Variants in TRIM71 observed in about 807,000 individuals in gnomAD.
TRIM71 encodes E3 ubiquitin-protein ligase TRIM71.
TRIM71 carries 9 observed loss-of-function variants against 61.2 expected under a neutral mutation model. That is an observed-to-expected ratio of 0.15 (90% CI 0.09 to 0.26). TRIM71 has a LOEUF of 0.26. Ranked by LOEUF, TRIM71 falls within the 10% of genes least tolerant of loss-of-function variation. The probability of loss-of-function intolerance (pLI) is 1.00; values close to 1 mark genes in which losing one functional copy is unlikely to be tolerated. For missense variants in TRIM71, 998 were observed against 1,238.7 expected (o/e 0.81, Z 2.92); for synonymous variants, 645 against 553.2 (o/e 1.17, Z -2.33).
intron 1 of TRIM71, among the ~76,000 whole-genome samples, chr3:32,862,503 C>G (rs532420209): frequency 1.3e-5 from 2 of 152,154 alleles, no homozygotes; most frequent in South Asian, 4.1e-4. Context: ...GTTTAAGAGG[C>G]GAGGACTGAG....
At chr3:32,846,708 CTTCTACTCTAG>C (rs894177433) in intron 1 of TRIM71, among the ~76,000 whole-genome samples, 5 of 141,296 alleles carry the variant, frequency 3.5e-5, no homozygotes, top group African/African-American at 1.3e-4. Context: ...CTACTCTCTA[CTTCTACTCTAG>C]TTCTCTTCTC....
chr3:32,846,557 G>C (rs1254231981), intron 1 of TRIM71, among the ~76,000 whole-genome samples: 1 of 152,132 alleles, frequency 6.6e-6, no homozygotes, highest in Non-Finnish European at 1.5e-5. Flanking sequence ...ATTAACAACT[G>C]TGGTCACCAT....
At chr3:32,838,797 C>G (rs1008537235) in intron 1 of TRIM71, among the ~76,000 whole-genome samples, 1 of 151,770 alleles carries the variant, frequency 6.6e-6, no homozygotes, top group East Asian at 1.9e-4. Flanking sequence ...GGATTTTGAG[C>G]TCCTTTTTTT....
intron 1 of TRIM71, among the ~76,000 whole-genome samples, chr3:32,854,826 T>C (rs1575349919): frequency 6.6e-6 from 1 of 152,210 alleles, no homozygotes; most frequent in East Asian, 1.9e-4. Flanking sequence ...TGAGCATCCA[T>C]GTGCCAGACA....
Position 32,828,847 on chromosome 3 carries a change from T to C in TRIM71, c.852+9915T>C, listed in dbSNP as rs557798132. The stretch of plus-strand genomic sequence containing the variant: ...GTTTGAAAACCACTAATTTTTCTTA[T>C]AATTTTTTTGTAGAGACAGGGTTCT... On this transcript the variant is annotated intron_variant, in intron 1 of 3. Coordinates refer to ENST00000383763, the MANE Select transcript of TRIM71 (RefSeq NM_001039111.3). Among the ~76,000 whole-genome samples, 75 of 152,178 alleles carry C rather than the reference T, an allele frequency of 4.9e-4. 3 individuals carry two copies. In the South Asian group the frequency reaches 0.015, roughly 30 times the overall value.
chr3:32,872,131 C>CT (rs1360613119), intron 1 of TRIM71, among the ~76,000 whole-genome samples: 3 of 152,096 alleles, frequency 2.0e-5, no homozygotes, highest in Non-Finnish European at 4.4e-5. Flanking sequence ...GCCTGGGTGA[C>CT]AAGAGCAAGA....
intron 1 of TRIM71, among the ~76,000 whole-genome samples, chr3:32,824,282 A>T (rs1696175420): frequency 6.7e-6 from 1 of 149,376 alleles, no homozygotes; most frequent in South Asian, 2.1e-4. Context: ...GGTTCAAGTG[A>T]TTCTCCTGCC....
rs1696446299 is a variant in TRIM71, at chr3:32,844,329, A to G, written c.852+25397A>G. Among the ~76,000 whole-genome samples, 3 of 152,228 alleles carry G rather than the reference A, an allele frequency of 2.0e-5. No individual in the cohort carries two copies. In the South Asian group the frequency reaches 6.2e-4, roughly 31 times the overall value. ...GAGGAAGAGGGGATTTTAGGTCACAACAGAGTTCTCAGCACACTGTTTTGT... is the reference window on the plus strand; with the variant it reads ...GAGGAAGAGGGGATTTTAGGTCACAGCAGAGTTCTCAGCACACTGTTTTGT... On this transcript the variant is annotated intron_variant, in intron 1 of 3. Transcript: ENST00000383763.
At chr3:32,879,858 C>T (rs1266081207) in intron 2 of TRIM71, among the ~76,000 whole-genome samples, 1 of 151,702 alleles carries the variant, frequency 6.6e-6, no homozygotes. Flanking sequence ...TCTGTAGTCC[C>T]AGCTACTCGG....
chr3:32,856,649 A>G (rs1477614267), intron 1 of TRIM71, among the ~76,000 whole-genome samples: 1 of 152,194 alleles, frequency 6.6e-6, no homozygotes, highest in Non-Finnish European at 1.5e-5. Context: ...GTAGGGTCAG[A>G]GGTCATCATT....
intron 2 of TRIM71, among the ~76,000 whole-genome samples, chr3:32,875,280 C>T (rs1696842329): frequency 6.6e-6 from 1 of 152,216 alleles, no homozygotes; most frequent in Non-Finnish European, 1.5e-5. Context: ...TTCCTATCAA[C>T]AGCTAGGGAG....
intron 1 of TRIM71, among the ~76,000 whole-genome samples, chr3:32,842,722 CAG>C (rs1457560239): frequency 2.8e-3 from 3 of 1,072 alleles, no homozygotes; most frequent in African/African-American, 3.4e-3. Flanking sequence ...TCCCCTTATA[CAG>C]ACAGGCCTTA....
At chr3:32,824,353 C>G (rs1215554651) in intron 1 of TRIM71, among the ~76,000 whole-genome samples, 1 of 150,242 alleles carries the variant, frequency 6.7e-6, no homozygotes, top group Non-Finnish European at 1.5e-5. Context: ...AATTTTTTTT[C>G]TTTCTTTTTT....
Position 32,818,772 on chromosome 3 carries a change from G to C in TRIM71, c.692G>C (p.Arg231Pro). 6.2e-7 allele frequency: 1 copy of C among 1,607,418 alleles called. No homozygotes were observed. The highest frequency in any genetic ancestry group is 8.5e-7 in the Non-Finnish European group (1 of 1,178,478). ...DNCVRAHQRV[R>P]LTKDHYIERG... is the part of the protein sequence containing the mutation. ...TGCGTCCGAGCGCACCAGCGCGTGC[G>C]CCTCACCAAGGACCACTACATCGAG... Residue 231 changes from arginine to proline, a missense_variant, in exon 1 of 4, where the codon CGC becomes CCC. This residue lies in a region of TRIM71 where 527 missense variants were observed against 427.8 expected (regional missense o/e 1.23). Coordinates refer to ENST00000383763, the MANE Select transcript of TRIM71 (RefSeq NM_001039111.3).
chr3:32,859,563 T>C (rs1438253398), intron 1 of TRIM71, among the ~76,000 whole-genome samples: 1 of 152,170 alleles, frequency 6.6e-6, no homozygotes, highest in South Asian at 2.1e-4. Flanking sequence ...TGGCCAACTT[T>C]GGGGTTCTGG....
intron 1 of TRIM71, among the ~76,000 whole-genome samples, chr3:32,859,964 G>A (rs904096205): frequency 2.0e-5 from 3 of 152,212 alleles, no homozygotes; most frequent in South Asian, 2.1e-4. Context: ...TACCACCTAA[G>A]GAATCCAGCT....
chr3:32,861,610 C>T lies in TRIM71; in HGVS notation c.853-12208C>T, dbSNP rs138141308. Among the ~76,000 whole-genome samples the T allele has an allele frequency of 1.2e-4, 18 of 152,248 alleles. No homozygotes were observed. In the East Asian group the frequency reaches 3.5e-3, roughly 30 times the overall value. Reference sequence around the variant, plus strand: ...TTTATAAGACTAAGCATCCCTCTTTCACCTGCTTTTGCACTGAAGATGTTT... The same window carrying T: ...TTTATAAGACTAAGCATCCCTCTTTTACCTGCTTTTGCACTGAAGATGTTT... On this transcript the variant is annotated intron_variant, in intron 1 of 3. Coordinates refer to ENST00000383763, the MANE Select transcript of TRIM71 (RefSeq NM_001039111.3).
intron 1 of TRIM71, among the ~76,000 whole-genome samples, chr3:32,844,073 A>T (rs1046668897): frequency 6.6e-6 from 1 of 152,186 alleles, no homozygotes; most frequent in Non-Finnish European, 1.5e-5. Context: ...ACTGCCCACT[A>T]TGTGCTTACC....
At chr3:32,871,025 C>G (rs1696790016) in intron 1 of TRIM71, among the ~76,000 whole-genome samples, 1 of 150,882 alleles carries the variant, frequency 6.6e-6, no homozygotes, top group South Asian at 2.1e-4. Flanking sequence ...CTCAGCTTCT[C>G]AAGGAGCTTG....
Sources: gnomAD v4.1 joint callset for allele counts (sites outside exome capture counted in the v4.1 genomes callset) on GRCh38, gnomAD v4.1.1 for gene constraint, gnomAD v4.1.1 regional missense constraint, MANE v1.5 for transcripts, NCBI Gene and HGNC (gene_info 2026-07-23, HGNC 2026-07-21) for gene names.